Variants in LRRC4C observed in about 807,000 individuals in gnomAD.
The protein encoded by LRRC4C is leucine-rich repeat-containing protein 4C.
LRRC4C carries 5 observed loss-of-function variants against 33.6 expected under a neutral mutation model. The observed-to-expected ratio is 0.15, with a 90% CI of 0.08 to 0.31. The LOEUF is 0.31. Ranked by LOEUF, LRRC4C falls within the 10% of genes least tolerant of loss-of-function variation. LRRC4C has a pLI of 1.00. For synonymous variants in LRRC4C, 329 were observed against 302.0 expected (o/e 1.09, Z -0.93); for missense variants, 560 against 796.7 (o/e 0.70, Z 3.58).
At chr11:40,344,094 C>A (rs2137032692) in intron 3 of LRRC4C, among the ~76,000 whole-genome samples, 1 of 152,252 alleles carries the variant, frequency 6.6e-6, no homozygotes, top group African/African-American at 2.4e-5. Flanking sequence ...GGTACCATTT[C>A]TTCTGAAACG....
At chr11:40,542,382 T>G (rs1190695929) in intron 3 of LRRC4C, among the ~76,000 whole-genome samples, 4 of 152,122 alleles carry the variant, frequency 2.6e-5, no homozygotes, top group Non-Finnish European at 5.9e-5. Flanking sequence ...CAAAAACTCC[T>G]GTTAGCTGAA....
intron 1 of LRRC4C, among the ~76,000 whole-genome samples, chr11:40,976,203 G>T (rs79801037): frequency 2.6e-4 from 40 of 152,164 alleles, no homozygotes; most frequent in African/African-American, 9.4e-4. Context: ...TCACAGTGCT[G>T]CAGCTCAGGT....
rs186742292 is a variant in LRRC4C at position 41,272,291 on chromosome 11, A to G, written c.-496+187140T>C. ...CAGAAGGATCCAGCCAGTTTGCTCA[A>G]AATAACTGGGGTGGGTGTTTGCTTT... On this transcript the variant is annotated intron_variant, in intron 1 of 6. Transcript: ENST00000528697. 3.9e-5 allele frequency among the ~76,000 whole-genome samples: 6 copies of G among 152,204 alleles called. No homozygotes were observed. In the East Asian group the frequency reaches 9.7e-4, roughly 25 times the overall value.
chr11:40,444,374 TA>T (rs1331889011), intron 3 of LRRC4C, among the ~76,000 whole-genome samples: 11 of 150,472 alleles, frequency 7.3e-5, no homozygotes, highest in South Asian at 2.1e-4. Context: ...TTTTTAAATT[TA>T]TTTTTTTATT....
At chr11:40,788,966 G>T (rs1027511281) in intron 2 of LRRC4C, among the ~76,000 whole-genome samples, 3 of 151,982 alleles carry the variant, frequency 2.0e-5, no homozygotes, top group East Asian at 3.9e-4. Context: ...GGTAGCGGGC[G>T]CCTGTAGTCC....
intron 1 of LRRC4C, among the ~76,000 whole-genome samples, chr11:41,014,884 CG>C (rs1855470170): frequency 6.6e-6 from 1 of 151,714 alleles, no homozygotes; most frequent in African/African-American, 2.4e-5. Context: ...TGAGGAAACT[CG>C]GATGTAGACA....
At position 40,319,693 on chromosome 11, in the gene LRRC4C, T is replaced by A. The variant is rs962340229; in HGVS notation, c.-241A>T. Reference sequence around the variant, plus strand: ...AAACTCAAAGAAGTTTAATAAGTGCTCTGGATTTCTGCAGATACTTCTTTA... The same window carrying A: ...AAACTCAAAGAAGTTTAATAAGTGCACTGGATTTCTGCAGATACTTCTTTA... On this transcript the variant is annotated 5_prime_UTR_variant, in exon 4 of 7. Coordinates refer to ENST00000528697, the MANE Select transcript of LRRC4C (RefSeq NM_001258419.2). The A allele has an allele frequency of 1.3e-5, 2 of 152,208 alleles. No homozygotes were observed. Among genetic ancestry groups the A allele is most frequent in the East Asian group, 3.8e-4 (2 of 5,198 alleles). The allele number at this position is 152,208 out of a possible 1,614,324, so 9.4% of individuals were successfully genotyped here. A position where few individuals can be genotyped will look rare whatever the true frequency, so the allele number is the denominator to read the frequency against.
chr11:40,195,320 A>G lies in LRRC4C; in HGVS notation c.-96+46199T>C, dbSNP rs958665901. ...TGGGGAGGGGAAGTCTTTAAATCTA[A>G]TGGATATGAATAAACAGCCTGCAAT... On this transcript the variant is annotated intron_variant, in intron 5 of 6. Coordinates refer to ENST00000528697, the MANE Select transcript of LRRC4C (RefSeq NM_001258419.2). 7.9e-5 allele frequency among the ~76,000 whole-genome samples: 12 copies of G among 152,294 alleles called. No homozygotes were observed. In the East Asian group the frequency reaches 2.3e-3, roughly 29 times the overall value.
intron 1 of LRRC4C, among the ~76,000 whole-genome samples, chr11:41,412,090 A>G (rs957058388): frequency 2.0e-5 from 3 of 152,214 alleles, no homozygotes; most frequent in Non-Finnish European, 4.4e-5. Flanking sequence ...GGAGCCTGCC[A>G]TATTTGTGAC....
rs373939754 is a variant in LRRC4C at position 40,375,320 on chromosome 11, T to C, written c.-269-55599A>G. ...AGCATATTCCAAAAAGGTAAAGTCT[T>C]TGGTATTTTTGAGACCTAACCAAGA... On this transcript the variant is annotated intron_variant, in intron 3 of 6. Coordinates refer to ENST00000528697, the MANE Select transcript of LRRC4C (RefSeq NM_001258419.2). 2.0e-5 allele frequency among the ~76,000 whole-genome samples: 3 copies of C among 152,288 alleles called. No homozygotes were observed. In the East Asian group the frequency reaches 5.8e-4, roughly 29 times the overall value.
At chr11:41,306,253 T>A (rs1950502740) in intron 1 of LRRC4C, among the ~76,000 whole-genome samples, 1 of 152,202 alleles carries the variant, frequency 6.6e-6, no homozygotes, top group South Asian at 2.1e-4. Flanking sequence ...GATTCTACCT[T>A]TACTATTACC....
chr11:41,038,052 G>A (rs1009310461), intron 1 of LRRC4C, among the ~76,000 whole-genome samples: 1 of 152,174 alleles, frequency 6.6e-6, no homozygotes, highest in African/African-American at 2.4e-5. Flanking sequence ...TGTTGTCTGT[G>A]TCTACGAGAC....
At chr11:40,266,325 A>C (rs958629972) in intron 4 of LRRC4C, among the ~76,000 whole-genome samples, 3 of 151,866 alleles carry the variant, frequency 2.0e-5, no homozygotes, top group African/African-American at 7.3e-5. Context: ...TAAAATAAAT[A>C]AAAAAGAAGG....
chr11:41,161,613 T>C (rs1031719779), intron 1 of LRRC4C, among the ~76,000 whole-genome samples: 4 of 152,204 alleles, frequency 2.6e-5, no homozygotes, highest in Non-Finnish European at 5.9e-5. Flanking sequence ...TATGAAAAAC[T>C]CTAACAGTTA....
intron 2 of LRRC4C, among the ~76,000 whole-genome samples, chr11:40,890,687 G>A (rs907003506): frequency 6.6e-6 from 1 of 151,964 alleles, no homozygotes; most frequent in African/African-American, 2.4e-5. Context: ...AATACAGAAT[G>A]GGATTCCCAA....
chr11:41,154,252 C>T (rs978834046), intron 1 of LRRC4C, among the ~76,000 whole-genome samples: 1 of 152,112 alleles, frequency 6.6e-6, no homozygotes, highest in South Asian at 2.1e-4. Flanking sequence ...ACTCACTGTT[C>T]TATATGCTGA....
chr11:40,694,368 T>C, intron 2 of LRRC4C, among the ~76,000 whole-genome samples: 1 of 152,272 alleles, frequency 6.6e-6, no homozygotes, highest in East Asian at 1.9e-4. Flanking sequence ...GTTTTTACCC[T>C]CTGTGGAAAT....
At chr11:40,693,302 G>C (rs11036022) in intron 2 of LRRC4C, among the ~76,000 whole-genome samples, 57,693 of 152,008 alleles carry the variant, frequency 0.38, 13,244 homozygotes, top group East Asian at 0.53. Context: ...TTTGAAAAGA[G>C]AGAATGGTAA....
At chr11:41,181,367 GAGGGGGAAAAAA>G (rs1163743109) in intron 1 of LRRC4C, among the ~76,000 whole-genome samples, 6 of 152,080 alleles carry the variant, frequency 3.9e-5, no homozygotes, top group Non-Finnish European at 8.8e-5. Flanking sequence ...AGATTTTCCA[GAGGGGGAAAAAA>G]AGGCATCCAA....
Sources: allele counts gnomAD v4.1 joint callset (sites outside exome capture counted in the v4.1 genomes callset), GRCh38; gene constraint gnomAD v4.1.1; transcripts MANE v1.5; gene names NCBI Gene and HGNC (gene_info 2026-07-23, HGNC 2026-07-21).